The following CSMD1 variants were observed in gnomAD, a reference collection of about 807,000 sequenced individuals.
CSMD1 encodes the protein CUB and Sushi multiple domains 1, also known as CUB and sushi domain-containing protein 1.
In CSMD1, 213 loss-of-function variants were observed where a neutral mutation model predicts 417.5. The observed-to-expected ratio is 0.51, with a 90% CI of 0.46 to 0.57. The LOEUF (loss-of-function observed/expected upper bound fraction) is 0.57, where lower values mean the gene tolerates loss of function less well. Ranked by LOEUF, CSMD1 falls within the 20% of genes least tolerant of loss-of-function variation. The probability of loss-of-function intolerance (pLI) is 0.00; values close to 1 mark genes in which losing one functional copy is unlikely to be tolerated. For missense variants in CSMD1, 6,923 were observed against 4,529.7 expected (o/e 1.53, Z -15.17); for synonymous variants, 2,862 against 1,736.8 (o/e 1.65, Z -16.11).
intron 6 of CSMD1, among the ~76,000 whole-genome samples, chr8:3,745,570 C>G (rs1289042021): frequency 6.6e-6 from 1 of 152,314 alleles, no homozygotes; most frequent in East Asian, 1.9e-4. Context: ...TTTTGCTACG[C>G]TTGCTCCTCA....
chr8:3,592,078 G>C (rs1219180290), intron 8 of CSMD1, among the ~76,000 whole-genome samples: 3 of 151,962 alleles, frequency 2.0e-5, no homozygotes, highest in African/African-American at 7.2e-5. Flanking sequence ...TGGAGGAATT[G>C]ACGGATTAGA....
At position 3,110,155 on chromosome 8, in the gene CSMD1, T is replaced by C. The variant is rs1282271131; in HGVS notation, c.6608+3A>G. 3 of 1,599,604 alleles carry C rather than the reference T, an allele frequency of 1.9e-6. No individual in the cohort carries two copies. The highest frequency in any genetic ancestry group is 1.1e-5 in the South Asian group (1 of 88,584). On this transcript the variant is annotated splice_donor_region_variant and intron_variant, in intron 43 of 69. Transcript: ENST00000635120. ...GATATTTTGACTTGAGAGGTTCTCA[T>C]ACCAAACAGCAATGTAATCGTTGAC...
intron 1 of CSMD1, among the ~76,000 whole-genome samples, chr8:4,793,412 C>A (rs1195626825): frequency 6.6e-6 from 1 of 151,868 alleles, no homozygotes; most frequent in Non-Finnish European, 1.5e-5. Context: ...AAAATTTCAC[C>A]TTTTCCCTCC....
At chr8:4,590,938 T>A (rs1480520717) in intron 2 of CSMD1, among the ~76,000 whole-genome samples, 1 of 152,230 alleles carries the variant, frequency 6.6e-6, no homozygotes, top group African/African-American at 2.4e-5. Context: ...TGAGCTCTGC[T>A]GAGTTGGTGA....
chr8:4,119,245 C>G (rs1476055609), intron 3 of CSMD1, among the ~76,000 whole-genome samples: 3 of 151,974 alleles, frequency 2.0e-5, no homozygotes, highest in African/African-American at 7.3e-5. Flanking sequence ...TGTCCTAGAA[C>G]TTAAAGTAAA....
intron 1 of CSMD1, among the ~76,000 whole-genome samples, chr8:4,744,851 G>A (rs929222632): frequency 6.6e-6 from 1 of 152,050 alleles, no homozygotes; most frequent in African/African-American, 2.4e-5. Flanking sequence ...TTCTAATTTA[G>A]TAGTCTCAGA....
intron 2 of CSMD1, among the ~76,000 whole-genome samples, chr8:4,633,669 G>A (rs994866460): frequency 2.6e-5 from 4 of 152,124 alleles, no homozygotes; most frequent in Admixed American, 6.5e-5. Context: ...TGATTCTCCT[G>A]CCTCAGCCTC....
intron 23 of CSMD1, among the ~76,000 whole-genome samples, chr8:3,338,448 G>A (rs963735483): frequency 5.3e-5 from 8 of 152,234 alleles, no homozygotes; most frequent in Non-Finnish European, 8.8e-5. Flanking sequence ...GAGAATTCAG[G>A]ATAGTGATGA....
chr8:4,023,129 T>C (rs1796872614), intron 4 of CSMD1, among the ~76,000 whole-genome samples: 1 of 152,276 alleles, frequency 6.6e-6, no homozygotes, highest in Admixed American at 6.5e-5. Flanking sequence ...AGATGCACTC[T>C]AATGTGTGGA....
chr8:3,284,360 C>G lies in CSMD1; in HGVS notation c.3951-14G>C. 1 of 1,597,460 alleles carries G rather than the reference C, an allele frequency of 6.3e-7. No individual in the cohort carries two copies. ...ATGAAATGGAGGCTGCAAGAGAGAA[C>G]ACAGTAGCGCTACTTGCCGTGCATC... On this transcript the variant is annotated splice_polypyrimidine_tract_variant and intron_variant, in intron 25 of 69. Transcript: ENST00000635120.
chr8:2,945,080 A>C (rs1261514670), intron 68 of CSMD1, among the ~76,000 whole-genome samples: 3 of 152,224 alleles, frequency 2.0e-5, no homozygotes, highest in Non-Finnish European at 4.4e-5. Context: ...TTTGAAGGTT[A>C]ATATACACAC....
chr8:4,986,470 A>C (rs1164049027), intron 1 of CSMD1, among the ~76,000 whole-genome samples: 1 of 152,228 alleles, frequency 6.6e-6, no homozygotes, highest in Non-Finnish European at 1.5e-5. Flanking sequence ...GACTGCCTGC[A>C]ATTTATAATT....
At chr8:4,093,863 G>C (rs373769960) in intron 3 of CSMD1, among the ~76,000 whole-genome samples, 1 of 152,104 alleles carries the variant, frequency 6.6e-6, no homozygotes, top group African/African-American at 2.4e-5. Context: ...GGGAGGCTGA[G>C]GCAGGAGAAT....
chr8:3,244,216 G>C (rs1362589076), intron 26 of CSMD1, among the ~76,000 whole-genome samples: 1 of 152,194 alleles, frequency 6.6e-6, no homozygotes, highest in Non-Finnish European at 1.5e-5. Context: ...ATGCTATTGC[G>C]AGGCTGGTGG....
At chr8:4,794,785 G>A (rs1797885082) in intron 1 of CSMD1, among the ~76,000 whole-genome samples, 1 of 152,180 alleles carries the variant, frequency 6.6e-6, no homozygotes, top group Non-Finnish European at 1.5e-5. Flanking sequence ...CGGGGACTCT[G>A]AAGTAGTTTG....
chr8:4,339,933 G>C (rs910861463), intron 3 of CSMD1, among the ~76,000 whole-genome samples: 3 of 152,052 alleles, frequency 2.0e-5, no homozygotes, highest in Non-Finnish European at 4.4e-5. Context: ...CCTGAGGCAA[G>C]AGGATCACTT....
chr8:4,570,458 G>C (rs974152747), intron 2 of CSMD1, among the ~76,000 whole-genome samples: 1 of 152,128 alleles, frequency 6.6e-6, no homozygotes, highest in African/African-American at 2.4e-5. Flanking sequence ...TGTATTTTGA[G>C]CTAGCCTTGC....
intron 1 of CSMD1, among the ~76,000 whole-genome samples, chr8:4,702,240 G>A (rs569496811): frequency 5.6e-4 from 85 of 152,266 alleles, no homozygotes; most frequent in African/African-American, 1.9e-3. Flanking sequence ...ACCTGTGCAT[G>A]TACCCAATAA....
chr8:3,429,400 G>T (rs1181964569), intron 12 of CSMD1, among the ~76,000 whole-genome samples: 1 of 152,110 alleles, frequency 6.6e-6, no homozygotes, highest in Non-Finnish European at 1.5e-5. Flanking sequence ...ATATGACATG[G>T]CCCTTCCACA....
Sources: gnomAD v4.1 joint callset for allele counts (sites outside exome capture counted in the v4.1 genomes callset) on GRCh38, gnomAD v4.1.1 for gene constraint, MANE v1.5 for transcripts, NCBI Gene and HGNC (gene_info 2026-07-23, HGNC 2026-07-21) for gene names.